The following C10orf71 variants were observed in gnomAD, a reference collection of about 807,000 sequenced individuals.
C10orf71 encodes cardiac-enriched FHL2-interacting protein.
For synonymous variants in C10orf71, 758 were observed against 726.3 expected, an observed-to-expected ratio of 1.04 and a Z score of -0.70; for missense variants, 1,869 against 1,804.5, an observed-to-expected ratio of 1.04 and a Z score of -0.65.
At chr10:49,317,116 C>T (rs967079031) in intron 2 of C10orf71, among the ~76,000 whole-genome samples, 7 of 152,122 alleles carry the variant, frequency 4.6e-5, no homozygotes, top group African/African-American at 1.7e-4. Flanking sequence ...TCAGCCATTG[C>T]CAAGATCGGA....
At chr10:49,311,133 G>A (rs1466055353) in intron 1 of C10orf71, among the ~76,000 whole-genome samples, 1 of 151,934 alleles carries the variant, frequency 6.6e-6, no homozygotes, top group East Asian at 1.9e-4. Flanking sequence ...TCCCTCTGAG[G>A]GCACTTTGTC....
intron 2 of C10orf71, among the ~76,000 whole-genome samples, chr10:49,319,682 C>CTATA (rs60174377): frequency 1.3e-3 from 158 of 117,446 alleles, no homozygotes; most frequent in African/African-American, 3.2e-3. Flanking sequence ...CACACACAAG[C>CTATA]TATATATATA....
intron 1 of C10orf71, among the ~76,000 whole-genome samples, chr10:49,308,648 T>C (rs571409056): frequency 7.9e-5 from 12 of 152,276 alleles, no homozygotes; most frequent in African/African-American, 2.4e-4. Flanking sequence ...CCAGGATCCA[T>C]CCAGTTACGT....
intron 1 of C10orf71, among the ~76,000 whole-genome samples, chr10:49,300,806 C>G (rs1326273655): frequency 6.6e-6 from 1 of 152,120 alleles, no homozygotes; most frequent in African/African-American, 2.4e-5. Context: ...TCTTGGATGA[C>G]CAGAAGCTCA....
At chr10:49,304,525 C>T (rs569410087) in intron 1 of C10orf71, among the ~76,000 whole-genome samples, 10 of 152,336 alleles carry the variant, frequency 6.6e-5, no homozygotes, top group Non-Finnish European at 1.0e-4. Context: ...ACAGCTCTTC[C>T]AGCTCTGCTT....
At chr10:49,301,437 G>A (rs1398373891) in intron 1 of C10orf71, among the ~76,000 whole-genome samples, 3 of 152,216 alleles carry the variant, frequency 2.0e-5, no homozygotes, top group African/African-American at 4.8e-5. Context: ...TGCATGGCAT[G>A]AGCTAGTGGA....
chr10:49,326,625 C>T lies in C10orf71; in HGVS notation c.4080C>T (p.Phe1360=), dbSNP rs753529474. 1.3e-6 allele frequency: 2 copies of T among 1,550,310 alleles called. No individual in the cohort carries two copies. Among genetic ancestry groups the T allele is most frequent in the South Asian group, 2.4e-5 (2 of 84,034 alleles). Reference sequence around the variant, plus strand: ...CCTCTCAGCTCTCCGCGCCCACCTTCCTCAGGCAGGGCCCTCGTGCCTCCG... The same window carrying T: ...CCTCTCAGCTCTCCGCGCCCACCTTTCTCAGGCAGGGCCCTCGTGCCTCCG... ...RCSSQLSAPT[F]LRQGPRASAA... The change falls in exon 3 of 3, where the codon TTC becomes TTT. Residue 1360 remains phenylalanine, a synonymous_variant. Coordinates refer to ENST00000374144, the MANE Select transcript of C10orf71 (RefSeq NM_001135196.2).
rs749963190 is a variant in C10orf71, at chr10:49,324,780, G to A, written c.2235G>A (p.Lys745=). The change falls in exon 3 of 3, where the codon AAG becomes AAA. Residue 745 remains lysine, a synonymous_variant. Transcript: ENST00000374144. ...TTGCCTCATTTGATGATCAGCAGAA[G>A]ATGTGGTTTACTGAGAACCAGCGGG... ...QSFASFDDQQ[K]MWFTENQRED... is the part of the protein sequence containing the mutation. The A allele has an allele frequency of 6.4e-7, 1 of 1,552,980 alleles. No individual in the cohort carries two copies. The highest frequency in any genetic ancestry group is 1.2e-5 in the South Asian group (1 of 84,236).
Position 49,327,117 on chromosome 10 carries a change from A to C in C10orf71, c.*264A>C. 8.2e-7 allele frequency: 1 copy of C among 1,225,568 alleles called. No homozygotes were observed. The highest frequency in any genetic ancestry group is 1.1e-6 in the Non-Finnish European group (1 of 908,690). The allele number at this position is 1,225,568 out of a possible 1,614,324, so 75.9% of individuals were successfully genotyped here. A position where few individuals can be genotyped will look rare whatever the true frequency, so the allele number is the denominator to read the frequency against. The stretch of plus-strand genomic sequence containing the variant: ...CCCCTCCGTGCCAGTTCCCAGGCGC[A>C]CTCTACTCCAGCCCTTCTCCCTCCC... On this transcript the variant is annotated 3_prime_UTR_variant, in exon 3 of 3. Coordinates refer to ENST00000374144, the MANE Select transcript of C10orf71 (RefSeq NM_001135196.2).
rs1313381198 is a variant in C10orf71, at chr10:49,323,899, C to T, written c.1354C>T (p.Pro452Ser). ...CAGTAAGCTCCTGACCCCCATCATA[C>T]CCAGCAAGCACGCCCTGGATTCAGC... Reference protein sequence around the residue: ...NISKLLTPIIPSKHALDSADS... With the variant: ...NISKLLTPIISSKHALDSADS... Residue 452 changes from proline to serine, a missense_variant, in exon 3 of 3, where the codon CCC (proline) becomes TCC (serine). By Grantham distance (74) the Pro-to-Ser change is moderately conservative. Transcript: ENST00000374144. 1 of 1,613,648 alleles carries T rather than the reference C, an allele frequency of 6.2e-7. No individual in the cohort carries two copies. Among genetic ancestry groups the T allele is most frequent in the African/African-American group, 1.3e-5 (1 of 74,902 alleles).
At chr10:49,300,907 TG>T (rs1314812698) in intron 1 of C10orf71, among the ~76,000 whole-genome samples, 4 of 152,148 alleles carry the variant, frequency 2.6e-5, no homozygotes, top group African/African-American at 4.8e-5. Context: ...TCCTGGAACC[TG>T]GGGAGAGAAA....
In C10orf71 at chr10:49,327,162, G is replaced by A; in HGVS notation, c.*309G>A. 1 of 801,986 alleles carries A rather than the reference G, an allele frequency of 1.2e-6. No individual in the cohort carries two copies. The highest frequency in any genetic ancestry group is 1.8e-6 in the Non-Finnish European group (1 of 557,936). 49.7% of individuals were successfully genotyped at this position (801,986 alleles called of 1,614,324 possible). Reference sequence around the variant, plus strand: ...CCTCCCTCCCTTCCTCCCTCTCCTGGCCCACCCTGCTCTTCCCTCGCCCTG... The same window carrying A: ...CCTCCCTCCCTTCCTCCCTCTCCTGACCCACCCTGCTCTTCCCTCGCCCTG... On this transcript the variant is annotated 3_prime_UTR_variant, in exon 3 of 3. Coordinates refer to ENST00000374144, the MANE Select transcript of C10orf71 (RefSeq NM_001135196.2).
In C10orf71 at chr10:49,326,615, C is replaced by T. The variant is rs557646038; in HGVS notation, c.4070C>T (p.Ala1357Val). Residue 1357 changes from alanine to valine, a missense_variant, in exon 3 of 3, where the codon GCG becomes GTG. Transcript: ENST00000374144. Reference protein sequence around the residue: ...MPLRCSSQLSAPTFLRQGPRA... With the variant: ...MPLRCSSQLSVPTFLRQGPRA... The stretch of plus-strand genomic sequence containing the variant: ...CTGCGCTGCTCCTCTCAGCTCTCCG[C>T]GCCCACCTTCCTCAGGCAGGGCCCT... 3.2e-6 allele frequency: 5 copies of T among 1,550,254 alleles called. No individual in the cohort carries two copies. The highest frequency in any genetic ancestry group is 2.4e-5 in the East Asian group (1 of 40,892).
intron 1 of C10orf71, among the ~76,000 whole-genome samples, chr10:49,304,517 A>C (rs1250334007): frequency 1.3e-5 from 2 of 152,238 alleles, no homozygotes; most frequent in Non-Finnish European, 2.9e-5. Context: ...ATTTGGTGAC[A>C]GCTCTTCCAG....
At chr10:49,300,878 G>T (rs1375851763) in intron 1 of C10orf71, among the ~76,000 whole-genome samples, 3 of 152,174 alleles carry the variant, frequency 2.0e-5, no homozygotes, top group East Asian at 1.9e-4. Flanking sequence ...CTGTGTCCTG[G>T]AGCAGAGGGG....
Position 49,325,454 on chromosome 10 carries a change from T to C in C10orf71, c.2909T>C (p.Val970Ala), listed in dbSNP as rs1204504723. 1.3e-6 allele frequency: 2 copies of C among 1,549,894 alleles called. No homozygotes were observed. Among genetic ancestry groups the C allele is most frequent in the Non-Finnish European group, 1.7e-6 (2 of 1,145,852 alleles). Reference sequence around the variant, plus strand: ...CCTCTGGTGGGAGAGGGGGACCGGGTGAAGGCACCACCAGATGCTGCACCT... The same window carrying C: ...CCTCTGGTGGGAGAGGGGGACCGGGCGAAGGCACCACCAGATGCTGCACCT... The part of the protein sequence containing the change: ...SMPLVGEGDR[V>A]KAPPDAAPGL... Residue 970 changes from valine to alanine, a missense_variant, in exon 3 of 3, where the codon GTG (valine) becomes GCG (alanine). Val to Ala is a moderately conservative substitution (Grantham distance 64). Coordinates refer to ENST00000374144, the MANE Select transcript of C10orf71 (RefSeq NM_001135196.2).
At chr10:49,312,307 C>G (rs1037441831) in intron 1 of C10orf71, among the ~76,000 whole-genome samples, 1 of 152,136 alleles carries the variant, frequency 6.6e-6, no homozygotes, top group Non-Finnish European at 1.5e-5. Context: ...TCCTGTTTCC[C>G]CTAGTGTGCT....
chr10:49,302,589 A>G (rs534857148), intron 1 of C10orf71, among the ~76,000 whole-genome samples: 49 of 152,330 alleles, frequency 3.2e-4, no homozygotes, highest in African/African-American at 7.9e-4. Flanking sequence ...TGAAGAGGTT[A>G]AGTAACTTGC....
chr10:49,324,489 G>C lies in C10orf71; in HGVS notation c.1944G>C (p.Arg648Ser), dbSNP rs747048845. The C allele has an allele frequency of 6.2e-7, 1 of 1,610,254 alleles. No individual in the cohort carries two copies. Among genetic ancestry groups the C allele is most frequent in the Non-Finnish European group, 8.5e-7 (1 of 1,178,048 alleles). Residue 648 changes from arginine (R) to serine (S), a missense_variant, in exon 3 of 3, where the codon AGG becomes AGC. By Grantham distance (110) the Arg-to-Ser change is moderately radical. Coordinates refer to ENST00000374144, the MANE Select transcript of C10orf71 (RefSeq NM_001135196.2). ...GCCCCAGGAAACACCTCTCCCTGAG[G>C]CTTTGCAATAGGGATCCTGAGCCTG... ...EHRPRKHLSL[R>S]LCNRDPEPGG...
Sources: gnomAD v4.1 joint callset for allele counts (sites outside exome capture counted in the v4.1 genomes callset) on GRCh38, gnomAD v4.1.1 for gene constraint, MANE v1.5 for transcripts, NCBI Gene and HGNC (gene_info 2026-07-23, HGNC 2026-07-21) for gene names.